The following TNFRSF19 variants were observed in gnomAD, a reference collection of about 807,000 sequenced individuals.
TNFRSF19 encodes the protein tumor necrosis factor receptor superfamily member 19.
Under a neutral mutation model 46.4 loss-of-function variants are expected in TNFRSF19, and 27 were observed. The observed-to-expected ratio is 0.58, with a 90% CI of 0.43 to 0.80. The LOEUF is 0.80. TNFRSF19 is among the 30% of genes least tolerant of loss of function. TNFRSF19 has a pLI of 0.00. For synonymous variants in TNFRSF19, 204 were observed against 205.0 expected (o/e 1.00, Z 0.04); for missense variants, 511 against 530.8 (o/e 0.96, Z 0.37).
In TNFRSF19 at chr13:23,597,693, T is replaced by C. The variant is rs141920997; in HGVS notation, c.180+4238T>C. On this transcript the variant is annotated intron_variant, in intron 3 of 9. Coordinates refer to ENST00000248484, the MANE Select transcript of TNFRSF19 (RefSeq NM_148957.4). ...ACAAAGAGGAGCTGGTACCATTCCT[T>C]CTGAAATTATTCCAATCAATAGAAA... Among the ~76,000 whole-genome samples the C allele has an allele frequency of 7.7e-3, 1,179 of 152,334 alleles. 28 individuals are homozygous for C. The highest frequency in any genetic ancestry group is 0.077 in the East Asian group (398 of 5,186).
chr13:23,655,356 A>G (rs1309419805), intron 5 of TNFRSF19, among the ~76,000 whole-genome samples: 1 of 152,246 alleles, frequency 6.6e-6, no homozygotes, highest in East Asian at 1.9e-4. Context: ...AAATTGCTAA[A>G]GGGTAGTGCT....
intron 1 of TNFRSF19, among the ~76,000 whole-genome samples, chr13:23,571,235 T>C (rs573907437): frequency 6.6e-6 from 1 of 152,374 alleles, no homozygotes; most frequent in South Asian, 2.1e-4. Flanking sequence ...GCAACTTTGC[T>C]TGTTGAAAAT....
At chr13:23,668,573 T>C in intron 8 of TNFRSF19, 119 bp from the exon 9 acceptor site, 2 of 1,165,802 alleles carry the variant, frequency 1.7e-6, no homozygotes, top group Non-Finnish European at 2.4e-6. Flanking sequence ...AACACTAGAA[T>C]TCTGATGCAG....
chr13:23,649,627 A>G (rs1267579927), intron 5 of TNFRSF19, among the ~76,000 whole-genome samples: 3 of 151,526 alleles, frequency 2.0e-5, no homozygotes, highest in African/African-American at 7.3e-5. Flanking sequence ...ATAATGTTTT[A>G]AAGTGGAAGG....
chr13:23,617,501 C>T (rs1166118329), intron 4 of TNFRSF19, among the ~76,000 whole-genome samples: 5 of 152,118 alleles, frequency 3.3e-5, no homozygotes, highest in Admixed American at 6.5e-5. Flanking sequence ...AGGGAGAAGC[C>T]ATTGCTACAC....
chr13:23,587,214 CT>C (rs1878909479), intron 1 of TNFRSF19, among the ~76,000 whole-genome samples: 1 of 152,024 alleles, frequency 6.6e-6, no homozygotes, highest in Non-Finnish European at 1.5e-5. Flanking sequence ...TTTTGATTGC[CT>C]TATTTTTATT....
chr13:23,579,546 C>G (rs1054015859), intron 1 of TNFRSF19: 8 of 152,428 alleles, frequency 5.2e-5, no homozygotes, highest in African/African-American at 1.7e-4. Flanking sequence ...GCGTCGCTGT[C>G]CCCGGCGCGC....
chr13:23,572,916 T>A (rs777439562), intron 1 of TNFRSF19, among the ~76,000 whole-genome samples: 5 of 152,240 alleles, frequency 3.3e-5, no homozygotes, highest in Non-Finnish European at 7.3e-5. Flanking sequence ...CTACAGAAAG[T>A]CCAAGTCTTC....
chr13:23,637,820 CACCT>C (rs1304619735), intron 5 of TNFRSF19, among the ~76,000 whole-genome samples: 1 of 152,276 alleles, frequency 6.6e-6, no homozygotes, highest in Non-Finnish European at 1.5e-5. Context: ...CGCAGGCTAA[CACCT>C]GCCTGTCTCC....
intron 3 of TNFRSF19, among the ~76,000 whole-genome samples, chr13:23,602,299 C>A (rs866221741): frequency 6.6e-6 from 1 of 152,088 alleles, no homozygotes; most frequent in Non-Finnish European, 1.5e-5. Context: ...CATAAGGGAG[C>A]TAATTGTCTA....
intron 5 of TNFRSF19, among the ~76,000 whole-genome samples, chr13:23,649,076 A>G (rs901780048): frequency 1.3e-5 from 2 of 152,150 alleles, no homozygotes; most frequent in Non-Finnish European, 2.9e-5. Context: ...GCATGCAGTA[A>G]TGCTAGCCTT....
At chr13:23,600,888 C>T (rs1209919456) in intron 3 of TNFRSF19, among the ~76,000 whole-genome samples, 1 of 152,062 alleles carries the variant, frequency 6.6e-6, no homozygotes, top group Non-Finnish European at 1.5e-5. Flanking sequence ...TGACATTTGA[C>T]AAAAATGTAC....
At chr13:23,581,031 C>T (rs1878373045) in intron 1 of TNFRSF19, among the ~76,000 whole-genome samples, 1 of 152,172 alleles carries the variant, frequency 6.6e-6, no homozygotes, top group Admixed American at 6.5e-5. Context: ...TGTCTTGCAA[C>T]TCTGAGTCCA....
chr13:23,612,379 A>T (rs1880965887), intron 3 of TNFRSF19, among the ~76,000 whole-genome samples: 2 of 152,218 alleles, frequency 1.3e-5, no homozygotes, highest in Non-Finnish European at 2.9e-5. Context: ...TTTAGTATTT[A>T]TATGTAGTTT....
chr13:23,590,232 T>G lies in TNFRSF19; in HGVS notation c.49T>G (p.Leu17Val). Reference protein sequence around the residue: ...LEQEKTFFTLLVLLGYLSCKV... With the variant: ...LEQEKTFFTLVVLLGYLSCKV... ...ACAAGAGAAAACGTTTTTCACTCTT[T>G]TAGTATTACTAGGCTATTTGGTAAG... The change falls in exon 2 of 10, where the codon TTA (leucine) becomes GTA (valine). Residue 17 changes from leucine (L) to valine (V), a missense_variant. Leu to Val is a conservative substitution (Grantham distance 32). Around this residue, in one of 3 missense-constraint regions of TNFRSF19, gnomAD observed 121 missense variants for 124.1 expected, o/e 0.98. Transcript: ENST00000248484. 1 of 1,590,422 alleles carries G rather than the reference T, an allele frequency of 6.3e-7. No individual in the cohort carries two copies. Among genetic ancestry groups the G allele is most frequent in the Non-Finnish European group, 8.6e-7 (1 of 1,168,410 alleles).
At position 23,646,985 on chromosome 13, in the gene TNFRSF19, G is replaced by A. The variant is rs527528289; in HGVS notation, c.446-12065G>A. ...TTTTTTAAGTTGTAGCCATCCTAAT[G>A]GGTATGAAGTGGTATCTCATCATGT... is the stretch of plus-strand genomic sequence containing the variant. On this transcript the variant is annotated intron_variant, in intron 5 of 9. Transcript: ENST00000248484. Among the ~76,000 whole-genome samples, 4 of 152,300 alleles carry A rather than the reference G, an allele frequency of 2.6e-5. No individual in the cohort carries two copies. The East Asian group carries it at 5.8e-4, about 22-fold the overall frequency.
At chr13:23,640,404 T>C (rs1206904042) in intron 5 of TNFRSF19, among the ~76,000 whole-genome samples, 1 of 152,214 alleles carries the variant, frequency 6.6e-6, no homozygotes, top group Non-Finnish European at 1.5e-5. Context: ...TATCGCCAAG[T>C]AAGTGCTACT....
intron 7 of TNFRSF19, among the ~76,000 whole-genome samples, chr13:23,664,226 C>T (rs746968871): frequency 1.3e-5 from 2 of 152,076 alleles, no homozygotes; most frequent in Admixed American, 1.3e-4. Context: ...TTTCAAAGAA[C>T]TTGATTTCTA....
At chr13:23,594,626 A>G (rs965329541) in intron 3 of TNFRSF19, among the ~76,000 whole-genome samples, 1 of 152,232 alleles carries the variant, frequency 6.6e-6, no homozygotes, top group African/African-American at 2.4e-5. Flanking sequence ...AGGGGCTTAT[A>G]GATAAACTCC....
Sources: allele counts gnomAD v4.1 joint callset (sites outside exome capture counted in the v4.1 genomes callset), GRCh38; gene constraint gnomAD v4.1.1; regional missense constraint gnomAD v4.1.1; transcripts MANE v1.5; gene names NCBI Gene and HGNC (gene_info 2026-07-23, HGNC 2026-07-21).